Variants in TTC39B observed in about 807,000 individuals in gnomAD.
TTC39B encodes tetratricopeptide repeat domain 39B.
A neutral mutation model predicts 96.6 loss-of-function variants in TTC39B; 92 were observed. That is an observed-to-expected ratio of 0.95 (90% CI 0.80 to 1.13). The LOEUF is 1.13. Among genes scored for constraint, TTC39B ranks in the 50% most tolerant of loss-of-function variants. The pLI, the probability that TTC39B is intolerant of heterozygous loss-of-function variation, is 0.00. For missense variants in TTC39B, 955 were observed against 809.3 expected (o/e 1.18, Z -2.18); for synonymous variants, 367 against 299.4 (o/e 1.23, Z -2.33).
intron 6 of TTC39B, among the ~76,000 whole-genome samples, chr9:15,204,713 G>A (rs1056626999): frequency 1.3e-5 from 2 of 152,022 alleles, no homozygotes; most frequent in African/African-American, 2.4e-5. Flanking sequence ...TGTCCTGCAC[G>A]GCCACGTTAA....
chr9:15,205,811 G>T (rs1819813910), intron 6 of TTC39B, among the ~76,000 whole-genome samples: 1 of 152,164 alleles, frequency 6.6e-6, no homozygotes, highest in African/African-American at 2.4e-5. Flanking sequence ...AGTCCGTGGT[G>T]GTGATGGCAG....
intron 2 of TTC39B, 58 bp from the exon 3 acceptor site, chr9:15,226,070 T>G (rs1354998528): frequency 1.4e-6 from 2 of 1,451,818 alleles, no homozygotes; most frequent in South Asian, 2.3e-5. Context: ...GAGAAAAGTC[T>G]ACACCAGTGC....
rs778519863 is a variant in TTC39B, at chr9:15,175,071, A to G, written c.1906T>C (p.Tyr636His). The G allele has an allele frequency of 2.5e-5, 40 of 1,613,696 alleles. No homozygotes were observed. The Middle Eastern group carries it at 9.9e-4, about 40-fold the overall frequency. Reference sequence around the variant, plus strand: ...TTGTCAATTTCCCCCTGGCTTTTATACAAAGATGCCAATTCAAATAGAGTG... The same window carrying G: ...TTGTCAATTTCCCCCTGGCTTTTATGCAAAGATGCCAATTCAAATAGAGTG... Residue 636 changes from tyrosine (Y) to histidine (H), a missense_variant, in exon 19 of 20, where the codon TAT (tyrosine) becomes CAT (histidine). Coordinates refer to ENST00000512701, the Ensembl canonical transcript of TTC39B.
At chr9:15,281,867 G>A (rs1001642425) in intron 1 of TTC39B, among the ~76,000 whole-genome samples, 1 of 151,886 alleles carries the variant, frequency 6.6e-6, no homozygotes, top group African/African-American at 2.4e-5. Flanking sequence ...TGGTAGAGGT[G>A]GGGTTTCACT....
chr9:15,265,308 C>T (rs1823091832), intron 2 of TTC39B, among the ~76,000 whole-genome samples: 1 of 152,212 alleles, frequency 6.6e-6, no homozygotes, highest in African/African-American at 2.4e-5. Flanking sequence ...CATCAATGTG[C>T]ACTGCTCAGG....
At chr9:15,194,242 A>G (rs2131277573) in intron 8 of TTC39B, among the ~76,000 whole-genome samples, 1 of 152,324 alleles carries the variant, frequency 6.6e-6, no homozygotes, top group Admixed American at 6.5e-5. Flanking sequence ...TAAGAATTAT[A>G]AAAGTACTTT....
intron 3 of TTC39B, among the ~76,000 whole-genome samples, chr9:15,221,990 C>G (rs1176046716): frequency 6.6e-6 from 1 of 152,116 alleles, no homozygotes; most frequent in Non-Finnish European, 1.5e-5. Flanking sequence ...AGCAACTAAG[C>G]CAGATCATTA....
chr9:15,196,489 G>A (rs1460406911), intron 8 of TTC39B, among the ~76,000 whole-genome samples: 3 of 152,204 alleles, frequency 2.0e-5, no homozygotes, highest in Non-Finnish European at 4.4e-5. Context: ...ATTCTGAGGG[G>A]TTCAAGACTT....
chr9:15,228,628 A>G (rs1355701332), intron 2 of TTC39B, among the ~76,000 whole-genome samples: 1 of 152,242 alleles, frequency 6.6e-6, no homozygotes, highest in Non-Finnish European at 1.5e-5. Flanking sequence ...CACTTGTTCC[A>G]GTCAAGTATT....
intron 2 of TTC39B, among the ~76,000 whole-genome samples, chr9:15,237,897 T>C (rs1264889207): frequency 2.0e-5 from 3 of 152,154 alleles, no homozygotes; most frequent in African/African-American, 7.2e-5. Flanking sequence ...CACAAAATAC[T>C]AGCAAACTGA....
intron 1 of TTC39B, among the ~76,000 whole-genome samples, chr9:15,268,993 G>A (rs7023109): frequency 0.072 from 10,996 of 152,090 alleles, 495 homozygotes; most frequent in African/African-American, 0.12. Context: ...CTCGACTCCA[G>A]CCACAGGTCT....
chr9:15,183,464 CA>C (rs35283660), intron 16 of TTC39B: 128,904 of 258,092 alleles, frequency 0.5, 24,419 homozygotes, highest in East Asian at 0.68. Context: ...TTCCTAGGTA[CA>C]AAAAAAAAAA....
At chr9:15,267,768 C>G (rs2131550440) in intron 2 of TTC39B, 146 bp downstream of exon 2, 1 of 620,264 alleles carries the variant, frequency 1.6e-6, no homozygotes, top group South Asian at 2.0e-5. Flanking sequence ...TAATCACATC[C>G]TCTTTAATTA....
intron 2 of TTC39B, among the ~76,000 whole-genome samples, chr9:15,234,898 G>A (rs896444508): frequency 4.6e-5 from 7 of 151,786 alleles, no homozygotes; most frequent in Non-Finnish European, 1.0e-4. Context: ...ACTGCGGAAG[G>A]CCGCAGGGTC....
intron 1 of TTC39B, among the ~76,000 whole-genome samples, chr9:15,287,783 A>G (rs533874425): frequency 9.9e-5 from 15 of 151,970 alleles, no homozygotes; most frequent in Non-Finnish European, 2.1e-4. Context: ...CTTCTCTACT[A>G]AAAAATACAA....
At chr9:15,205,206 C>T (rs866981059) in intron 6 of TTC39B, among the ~76,000 whole-genome samples, 82 of 152,298 alleles carry the variant, frequency 5.4e-4, no homozygotes, top group African/African-American at 1.9e-3. Context: ...TGGATCAGTG[C>T]TAACTACGTG....
Position 15,175,094 on chromosome 9 carries a change from G to C in TTC39B, c.1883C>G (p.Thr628Ser), listed in dbSNP as rs760042820. 8 of 1,613,622 alleles carry C rather than the reference G, an allele frequency of 5.0e-6. No individual in the cohort carries two copies. In the East Asian group the frequency reaches 1.8e-4, roughly 36 times the overall value. The change falls in exon 19 of 20, where the codon ACT becomes AGT. Residue 628 changes from threonine to serine, a missense_variant. Thr to Ser is a moderately conservative substitution (Grantham distance 58, BLOSUM62 1). Coordinates refer to ENST00000512701, the Ensembl canonical transcript of TTC39B. ...ATACAAAGATGCCAATTCAAATAGA[G>C]TGAACGGCACTAGGTAGTGGTCATA...
Position 15,223,840 on chromosome 9 carries a change from C to CAA in TTC39B, c.371+2075_371+2076dup, listed in dbSNP as rs754309254. 5.8e-3 allele frequency among the ~76,000 whole-genome samples: 751 copies of CAA among 129,770 alleles called. 5 individuals carry two copies. Among genetic ancestry groups the CAA allele is most frequent in the African/African-American group, 0.02 (716 of 35,612 alleles). The allele number at this position is 129,770 out of a possible 152,430, so 85.1% of individuals were successfully genotyped here. On this transcript the variant is annotated intron_variant, in intron 3 of 19. Transcript: ENST00000512701. ...ACTTTTTGAGCACCCACATGACACTCAAAAAAAAAAAAAAATGCTCACTAG... is the reference window on the plus strand; with the variant it reads ...ACTTTTTGAGCACCCACATGACACTCAAAAAAAAAAAAAAAAATGCTCACTAG...
chr9:15,206,434 A>C (rs1399649081), intron 6 of TTC39B, among the ~76,000 whole-genome samples: 1 of 152,230 alleles, frequency 6.6e-6, no homozygotes, highest in Non-Finnish European at 1.5e-5. Context: ...TTTGGGTTGC[A>C]GTTGACAGCC....
Sources: allele counts gnomAD v4.1 joint callset (sites outside exome capture counted in the v4.1 genomes callset), GRCh38; gene constraint gnomAD v4.1.1; transcripts MANE v1.5; gene names NCBI Gene and HGNC (gene_info 2026-07-23, HGNC 2026-07-21).